Variants in CDH10 observed in about 807,000 individuals in gnomAD.
CDH10 encodes cadherin-10.
In CDH10, 30 loss-of-function variants were observed where a neutral mutation model predicts 73.1. The ratio of observed to expected loss-of-function variants is 0.41; its 90% confidence interval spans 0.31 to 0.56. The LOEUF is 0.56. Among genes scored for constraint, CDH10 ranks in the 20% least tolerant of loss-of-function variants. CDH10 has a pLI of 0.27. For synonymous variants in CDH10, 345 were observed against 348.2 expected (o/e 0.99, Z 0.10); for missense variants, 815 against 973.7 (o/e 0.84, Z 2.17).
chr5:24,495,368 T>C (rs1742231653), intron 9 of CDH10, among the ~76,000 whole-genome samples: 1 of 152,208 alleles, frequency 6.6e-6, no homozygotes, highest in East Asian at 1.9e-4. Context: ...CACTGGGCTG[T>C]TCTAAAATAA....
At chr5:24,529,556 A>C (rs539379377) in intron 5 of CDH10, among the ~76,000 whole-genome samples, 1 of 152,146 alleles carries the variant, frequency 6.6e-6, no homozygotes, top group East Asian at 1.9e-4. Flanking sequence ...ATCCATGGGA[A>C]ATATATAGTA....
intron 2 of CDH10, among the ~76,000 whole-genome samples, chr5:24,585,350 G>A (rs1745956052): frequency 6.6e-6 from 1 of 152,172 alleles, no homozygotes; most frequent in East Asian, 1.9e-4. Context: ...TCCTTGGAAC[G>A]TTTTGCTTCT....
chr5:24,637,296 G>T (rs1457940640), intron 1 of CDH10, among the ~76,000 whole-genome samples: 1 of 151,896 alleles, frequency 6.6e-6, no homozygotes, highest in Non-Finnish European at 1.5e-5. Flanking sequence ...AAGAACGGAT[G>T]AATAAATAAA....
At chr5:24,592,823 A>T (rs1348156913) in intron 2 of CDH10, among the ~76,000 whole-genome samples, 2 of 151,858 alleles carry the variant, frequency 1.3e-5, no homozygotes, top group Non-Finnish European at 2.9e-5. Context: ...TATTTTGATG[A>T]CATTTGCTTT....
intron 4 of CDH10, 138 bp downstream of exon 4, chr5:24,535,564 CT>C: frequency 1.3e-6 from 1 of 789,370 alleles, no homozygotes. Context: ...ACTTTGAGTT[CT>C]TATATCTTTA....
chr5:24,627,820 C>T (rs989137596), intron 1 of CDH10, among the ~76,000 whole-genome samples: 1 of 151,790 alleles, frequency 6.6e-6, no homozygotes, highest in African/African-American at 2.4e-5. Flanking sequence ...GAAAGCACAA[C>T]GATAGCTTTA....
intron 2 of CDH10, among the ~76,000 whole-genome samples, chr5:24,539,584 T>C (rs924100010): frequency 6.6e-6 from 1 of 152,126 alleles, no homozygotes; most frequent in Admixed American, 6.6e-5. Context: ...ACAGATATAA[T>C]AGATTAAGAA....
chr5:24,530,016 C>CTTTTTTTT (rs34282847), intron 5 of CDH10, among the ~76,000 whole-genome samples: 1 of 121,844 alleles, frequency 8.2e-6, no homozygotes. Context: ...TCTATTTTTA[C>CTTTTTTTT]TTTTTTTTTT....
At chr5:24,601,629 T>C (rs1250474871) in intron 1 of CDH10, among the ~76,000 whole-genome samples, 1 of 152,116 alleles carries the variant, frequency 6.6e-6, no homozygotes, top group Non-Finnish European at 1.5e-5. Flanking sequence ...GATATCTAAA[T>C]TCCACAGATT....
intron 3 of CDH10, among the ~76,000 whole-genome samples, chr5:24,537,127 T>G (rs896792829): frequency 1.3e-5 from 2 of 152,080 alleles, no homozygotes; most frequent in Middle Eastern, 6.8e-3. Flanking sequence ...TCTACTGAAG[T>G]TCAATGATAT....
chr5:24,553,121 G>T (rs926218670), intron 2 of CDH10, among the ~76,000 whole-genome samples: 1 of 152,098 alleles, frequency 6.6e-6, no homozygotes, highest in African/African-American at 2.4e-5. Flanking sequence ...ATATTGAACC[G>T]ACCATTTCAT....
At chr5:24,512,706 G>A (rs1742964278) in intron 5 of CDH10, among the ~76,000 whole-genome samples, 3 of 152,124 alleles carry the variant, frequency 2.0e-5, no homozygotes, top group Non-Finnish European at 4.4e-5. Context: ...CTGCTAATGA[G>A]ATTTATGTTT....
At chr5:24,491,425 A>G (rs1485165319) in intron 11 of CDH10, 151 bp downstream of exon 11, 1 of 620,802 alleles carries the variant, frequency 1.6e-6, no homozygotes, top group Non-Finnish European at 2.8e-6. Flanking sequence ...CGATCAAATA[A>G]AGTATTTTAA....
intron 2 of CDH10, among the ~76,000 whole-genome samples, chr5:24,589,625 T>G (rs759873070): frequency 1.3e-5 from 2 of 152,038 alleles, no homozygotes; most frequent in Non-Finnish European, 2.9e-5. Context: ...AATATAGAAT[T>G]AGTGATTTGC....
chr5:24,616,326 G>A (rs762535804), intron 1 of CDH10, among the ~76,000 whole-genome samples: 118 of 151,982 alleles, frequency 7.8e-4, no homozygotes, highest in African/African-American at 2.7e-3. Context: ...TGTTTTTTCC[G>A]CAACGAATTT....
chr5:24,535,833 C>A lies in CDH10; in HGVS notation c.527-11G>T, dbSNP rs1743930405. On this transcript the variant is annotated splice_polypyrimidine_tract_variant and intron_variant, in intron 3 of 11. Coordinates refer to ENST00000264463, the MANE Select transcript of CDH10 (RefSeq NM_006727.5). ...GCACCACAGAAGTACCTGAAGTATC[C>A]AAATTCAGCTTAGTTCTGCACAGTA... 1 of 1,603,020 alleles carries A rather than the reference C, an allele frequency of 6.2e-7. No individual in the cohort carries two copies. Among genetic ancestry groups the A allele is most frequent in the African/African-American group, 1.3e-5 (1 of 74,622 alleles).
At chr5:24,620,102 A>C (rs1338863144) in intron 1 of CDH10, among the ~76,000 whole-genome samples, 2 of 152,126 alleles carry the variant, frequency 1.3e-5, no homozygotes, top group African/African-American at 4.8e-5. Context: ...ATCTACCTTA[A>C]ATTATCTCTT....
intron 1 of CDH10, among the ~76,000 whole-genome samples, chr5:24,607,397 C>T (rs959134145): frequency 3.3e-5 from 5 of 151,942 alleles, no homozygotes; most frequent in African/African-American, 4.8e-5. Context: ...GGGAAACCAA[C>T]GAGGGAAATG....
intron 1 of CDH10, among the ~76,000 whole-genome samples, chr5:24,627,779 G>GA (rs1295961239): frequency 1.3e-5 from 2 of 151,926 alleles, no homozygotes; most frequent in Non-Finnish European, 2.9e-5. Flanking sequence ...TTTAATAGCA[G>GA]AAAAAACATC....
Sources: allele counts gnomAD v4.1 joint callset (sites outside exome capture counted in the v4.1 genomes callset), GRCh38; gene constraint gnomAD v4.1.1; transcripts MANE v1.5; gene names NCBI Gene and HGNC (gene_info 2026-07-23, HGNC 2026-07-21).